TLE1: variants seen among roughly 807,000 people sequenced by gnomAD.
TLE1 encodes the protein transducin-like enhancer protein 1.
A neutral mutation model predicts 89.8 loss-of-function variants in TLE1; 21 were observed. The observed-to-expected ratio is 0.23, with a 90% CI of 0.17 to 0.34. The LOEUF (loss-of-function observed/expected upper bound fraction) is 0.34. TLE1 is among the 10% of genes least tolerant of loss of function. The pLI is 1.00. For synonymous variants in TLE1, 447 were observed against 407.6 expected (o/e 1.10, Z -1.16); for missense variants, 795 against 1,031.2 (o/e 0.77, Z 3.14).
intron 9 of TLE1, among the ~76,000 whole-genome samples, chr9:81,617,017 AC>A (rs1226612402): frequency 6.6e-6 from 1 of 152,100 alleles, no homozygotes; most frequent in Non-Finnish European, 1.5e-5. Context: ...AATGGTTGCA[AC>A]AGCTGAATTT....
chr9:81,633,418 C>T, intron 7 of TLE1, 54 bp from the exon 8 acceptor site: 1 of 1,612,214 alleles, frequency 6.2e-7, no homozygotes, highest in Non-Finnish European at 8.5e-7. Context: ...GACACAGAGG[C>T]AAGAACAGAA....
chr9:81,688,255 C>A lies in TLE1; in HGVS notation c.-15G>T, dbSNP rs1286697820. Reference sequence around the variant, plus strand: ...TGCGGGAACATCGCTCTGGCGGCGGCCGGGGCTCTGTTCCCCGGCAACTCA... The same window carrying A: ...TGCGGGAACATCGCTCTGGCGGCGGACGGGGCTCTGTTCCCCGGCAACTCA... On this transcript the variant is annotated 5_prime_UTR_variant, in exon 1 of 20. Transcript: ENST00000376499. The A allele has an allele frequency of 3.2e-6, 5 of 1,578,954 alleles. No individual in the cohort carries two copies. In the South Asian group the frequency reaches 5.7e-5, roughly 18 times the overall value.
chr9:81,640,976 TCA>T (rs1828036922), intron 6 of TLE1, among the ~76,000 whole-genome samples: 1 of 152,170 alleles, frequency 6.6e-6, no homozygotes, highest in African/African-American at 2.4e-5. Flanking sequence ...GTCATAAAAA[TCA>T]CAGACTTAAC....
chr9:81,680,129 G>C (rs886573698), intron 4 of TLE1, among the ~76,000 whole-genome samples: 1 of 152,192 alleles, frequency 6.6e-6, no homozygotes, highest in Non-Finnish European at 1.5e-5. Context: ...CCCACCATGC[G>C]AGGGAACAAA....
chr9:81,584,671 T>C (rs879866183), intron 18 of TLE1, 147 bp from the exon 19 acceptor site: 1 of 697,682 alleles, frequency 1.4e-6, no homozygotes, highest in Non-Finnish European at 2.4e-6. Flanking sequence ...ACAGAGGTTT[T>C]AATCTGGGCT....
chr9:81,595,376 C>T lies in TLE1; in HGVS notation c.1332-2102G>A, dbSNP rs139797791. ...GGAGTTTAAGTCTATTCATGTCCTA[C>T]AAGAATTCTAGGCTTTGAAGAATGC... On this transcript the variant is annotated intron_variant, in intron 14 of 19. Coordinates refer to ENST00000376499, the MANE Select transcript of TLE1 (RefSeq NM_005077.5). Among the ~76,000 whole-genome samples the T allele has an allele frequency of 1.2e-4, 19 of 152,278 alleles. No individual in the cohort carries two copies. In the East Asian group the frequency reaches 3.7e-3, roughly 29 times the overall value.
At chr9:81,619,596 T>G (rs940807802) in intron 9 of TLE1, among the ~76,000 whole-genome samples, 11 of 152,228 alleles carry the variant, frequency 7.2e-5, no homozygotes, top group Admixed American at 5.9e-4. Context: ...TACCTCTTCC[T>G]GCAAGGGCAT....
At chr9:81,631,747 T>C (rs1352314138) in intron 8 of TLE1, among the ~76,000 whole-genome samples, 1 of 152,234 alleles carries the variant, frequency 6.6e-6, no homozygotes, top group African/African-American at 2.4e-5. Flanking sequence ...TCCCCAAATT[T>C]CTTCTGTGAT....
chr9:81,594,565 C>G (rs572320020), intron 14 of TLE1, among the ~76,000 whole-genome samples: 2 of 151,966 alleles, frequency 1.3e-5, no homozygotes, highest in African/African-American at 4.8e-5. Context: ...AAATTATGCA[C>G]ATTCTACTTT....
intron 14 of TLE1, among the ~76,000 whole-genome samples, chr9:81,595,338 C>G (rs1352047854): frequency 6.6e-6 from 1 of 152,110 alleles, no homozygotes; most frequent in Non-Finnish European, 1.5e-5. Context: ...TTGAAGACTG[C>G]CACAGAACTA....
chr9:81,641,461 C>T (rs954484032), intron 6 of TLE1, among the ~76,000 whole-genome samples: 1 of 152,112 alleles, frequency 6.6e-6, no homozygotes, highest in African/African-American at 2.4e-5. Context: ...ACTAAAGGCC[C>T]CATCTCAATG....
intron 4 of TLE1, among the ~76,000 whole-genome samples, chr9:81,654,545 G>A (rs1464234204): frequency 6.6e-6 from 1 of 152,118 alleles, no homozygotes; most frequent in Non-Finnish European, 1.5e-5. Context: ...GTTTCACCGT[G>A]TTAGCCAGGA....
At chr9:81,677,564 C>CAAAAAAAAAAAAAAAAA (rs60091510) in intron 4 of TLE1, among the ~76,000 whole-genome samples, 1 of 85,600 alleles carries the variant, frequency 1.2e-5, no homozygotes. Flanking sequence ...GACTCCATCT[C>CAAAAAAAAAAAAAAAAA]AAAAAAAAAA....
intron 2 of TLE1, among the ~76,000 whole-genome samples, chr9:81,686,880 T>C (rs934526495): frequency 6.6e-6 from 1 of 152,158 alleles, no homozygotes; most frequent in African/African-American, 2.4e-5. Context: ...ATGGGCAATG[T>C]TATAAGCATC....
At chr9:81,595,560 T>C (rs979932182) in intron 14 of TLE1, among the ~76,000 whole-genome samples, 10 of 152,166 alleles carry the variant, frequency 6.6e-5, no homozygotes, top group Admixed American at 3.9e-4. Context: ...GGCTCACGCC[T>C]GTAATCCCAG....
chr9:81,675,469 T>TG (rs1178624594), intron 4 of TLE1, among the ~76,000 whole-genome samples: 1 of 152,042 alleles, frequency 6.6e-6, no homozygotes, highest in African/African-American at 2.4e-5. Context: ...TGCCTGCACA[T>TG]GCTCAATTCA....
Position 81,584,496 on chromosome 9 carries a change from A to G in TLE1, c.2157T>C (p.Asp719=), listed in dbSNP as rs973689161. ...GGGTCCGCCAAGCATTGAGGAGGTT[A>G]TCTTTTCCAGTACTCACAAACCATT... ...CGKWFVSTGK[D]NLLNAWRTPY... The change falls in exon 19 of 20, where the codon GAT becomes GAC. Residue 719 remains aspartate, a synonymous_variant. Coordinates refer to ENST00000376499, the MANE Select transcript of TLE1 (RefSeq NM_005077.5). The G allele has an allele frequency of 2.5e-6, 4 of 1,614,212 alleles. No individual in the cohort carries two copies. Among genetic ancestry groups the G allele is most frequent in the African/African-American group, 1.3e-5 (1 of 75,060 alleles).
chr9:81,672,193 C>T (rs1832311748), intron 4 of TLE1, among the ~76,000 whole-genome samples: 1 of 152,128 alleles, frequency 6.6e-6, no homozygotes, highest in Non-Finnish European at 1.5e-5. Context: ...GAACTGTGCC[C>T]TGCTTTATCT....
intron 8 of TLE1, among the ~76,000 whole-genome samples, chr9:81,625,653 C>T (rs962229658): frequency 1.3e-5 from 2 of 152,106 alleles, no homozygotes; most frequent in African/African-American, 4.8e-5. Context: ...CCTCAGAGAG[C>T]ACCCAGTGGC....
Sources: allele counts gnomAD v4.1 joint callset (sites outside exome capture counted in the v4.1 genomes callset), GRCh38; gene constraint gnomAD v4.1.1; transcripts MANE v1.5; gene names NCBI Gene and HGNC (gene_info 2026-07-23, HGNC 2026-07-21).